The following CSGALNACT1 variants were observed in gnomAD, a reference collection of about 807,000 sequenced individuals.
CSGALNACT1 encodes beta4GalNAcT-1.
In CSGALNACT1, 52 loss-of-function variants were observed where a neutral mutation model predicts 51.0. The ratio of observed to expected loss-of-function variants is 1.02; its 90% CI spans 0.82 to 1.29. The LOEUF (loss-of-function observed/expected upper bound fraction) is 1.29, where lower values mean the gene tolerates loss of function less well. Ranked by LOEUF, CSGALNACT1 falls within the 50% of genes most tolerant of loss-of-function variation. The pLI, the probability that CSGALNACT1 is intolerant of heterozygous loss-of-function variation, is 0.00. For synonymous variants in CSGALNACT1, 341 were observed against 254.4 expected, an observed-to-expected ratio of 1.34 and a Z score of -3.24; for missense variants, 935 against 679.2, an observed-to-expected ratio of 1.38 and a Z score of -4.19.
chr8:19,415,222 A>G (rs2056637476), intron 8 of CSGALNACT1, among the ~76,000 whole-genome samples: 1 of 152,210 alleles, frequency 6.6e-6, no homozygotes, highest in South Asian at 2.1e-4. Context: ...CAAGTAATGA[A>G]AGCGTTTCAT....
chr8:19,405,901 C>A, exon 10 of CSGALNACT1: 5 of 1,614,160 alleles, frequency 3.1e-6, no homozygotes, highest in Non-Finnish European at 4.2e-6. Context: ...GGACTGCATG[C>A]ACATCTTGTA....
At chr8:19,728,586 C>T (rs540255035) in intron 1 of CSGALNACT1, among the ~76,000 whole-genome samples, 19 of 152,206 alleles carry the variant, frequency 1.2e-4, no homozygotes, top group East Asian at 7.7e-4. Context: ...TGAGTACACA[C>T]GCACACACAC....
At chr8:19,479,753 C>G (rs1377593382) in intron 4 of CSGALNACT1, among the ~76,000 whole-genome samples, 1 of 140,972 alleles carries the variant, frequency 7.1e-6, no homozygotes, top group Non-Finnish European at 1.5e-5. Context: ...AGCCGTATTT[C>G]TTGACTTAGA....
At chr8:19,566,745 G>A (rs947711888) in intron 3 of CSGALNACT1, among the ~76,000 whole-genome samples, 1 of 152,116 alleles carries the variant, frequency 6.6e-6, no homozygotes, top group Non-Finnish European at 1.5e-5. Flanking sequence ...GAAAATACAA[G>A]ATTAAAATTC....
At chr8:19,435,394 G>A (rs920073159) in intron 6 of CSGALNACT1, among the ~76,000 whole-genome samples, 1 of 151,828 alleles carries the variant, frequency 6.6e-6, no homozygotes, top group Admixed American at 6.6e-5. Context: ...CTGGGAGGCT[G>A]AGGCAGGAGA....
chr8:19,505,622 G>A lies in CSGALNACT1; in HGVS notation c.213C>T (p.Tyr71=), dbSNP rs762057370. 3.2e-5 allele frequency: 52 copies of A among 1,613,992 alleles called. No individual in the cohort carries two copies. Among genetic ancestry groups the A allele is most frequent in the Middle Eastern group, 3.3e-4 (2 of 6,084 alleles). ...CGATCTGCCGCTTCAGGCTGCTCAC[G>A]TAGTTGCGGTGCTGCTCCTCCCACT... is the stretch of plus-strand genomic sequence containing the variant. The change falls in exon 4 of 10, where the codon TAC becomes TAT. Residue 71 remains tyrosine, a synonymous_variant. Transcript: ENST00000454498.
At chr8:19,432,344 A>G (rs75353655) in intron 6 of CSGALNACT1, among the ~76,000 whole-genome samples, 2,252 of 152,296 alleles carry the variant, frequency 0.015, 52 homozygotes, top group African/African-American at 0.052. Context: ...GATCCATTGT[A>G]CTGGATGAGT....
chr8:19,546,192 C>T (rs1474368103), intron 3 of CSGALNACT1, among the ~76,000 whole-genome samples: 3 of 152,078 alleles, frequency 2.0e-5, no homozygotes, highest in Non-Finnish European at 4.4e-5. Flanking sequence ...ATGCTTTGCC[C>T]AATTTCCATA....
chr8:19,428,341 GA>G (rs1220130922), intron 6 of CSGALNACT1, among the ~76,000 whole-genome samples: 11 of 152,198 alleles, frequency 7.2e-5, no homozygotes, highest in African/African-American at 2.7e-4. Context: ...ATTCATGGCG[GA>G]AGGCAGAAGA....
At chr8:19,555,682 A>G (rs4601324) in intron 3 of CSGALNACT1, among the ~76,000 whole-genome samples, 24,112 of 152,184 alleles carry the variant, frequency 0.16, 2,026 homozygotes, top group African/African-American at 0.21. Flanking sequence ...TTCAGACTTC[A>G]CTTAGCATGT....
chr8:19,543,784 A>G (rs925052335), intron 3 of CSGALNACT1, among the ~76,000 whole-genome samples: 10 of 152,206 alleles, frequency 6.6e-5, no homozygotes, highest in African/African-American at 2.4e-4. Context: ...GCAATTAATA[A>G]TAACTGTAAG....
intron 4 of CSGALNACT1, among the ~76,000 whole-genome samples, chr8:19,492,586 C>T (rs897994764): frequency 1.3e-5 from 2 of 152,206 alleles, no homozygotes; most frequent in Non-Finnish European, 2.9e-5. Flanking sequence ...ATGTCCGATG[C>T]CCCAGTCTGA....
intron 3 of CSGALNACT1, among the ~76,000 whole-genome samples, chr8:19,571,342 A>G (rs912250002): frequency 6.6e-6 from 1 of 152,092 alleles, no homozygotes; most frequent in Non-Finnish European, 1.5e-5. Context: ...CTAAACACCT[A>G]TGATTCAGGG....
intron 1 of CSGALNACT1, among the ~76,000 whole-genome samples, chr8:19,666,887 G>GAGAGAGAGGA (rs2059295863): frequency 2.4e-5 from 3 of 125,010 alleles, no homozygotes; most frequent in African/African-American, 9.8e-5. Flanking sequence ...GAAAGAAAGA[G>GAGAGAGAGGA]AGAGAGGAAG....
intron 1 of CSGALNACT1, among the ~76,000 whole-genome samples, chr8:19,613,388 A>G (rs2154154181): frequency 6.6e-6 from 1 of 152,346 alleles, no homozygotes; most frequent in Middle Eastern, 3.4e-3. Flanking sequence ...TACCAAATTC[A>G]CTAGTAACCT....
At chr8:19,516,499 G>A (rs1350557687) in intron 3 of CSGALNACT1, among the ~76,000 whole-genome samples, 3 of 152,132 alleles carry the variant, frequency 2.0e-5, no homozygotes, top group African/African-American at 7.2e-5. Flanking sequence ...AACGTGGCAT[G>A]AATCACTGCT....
In CSGALNACT1 at chr8:19,505,764, C is replaced by G. The variant is rs749469876; in HGVS notation, c.71G>C (p.Cys24Ser). Residue 24 changes from cysteine to serine, a missense_variant, in exon 4 of 10, where the codon TGT (cysteine) becomes TCT (serine). Transcript: ENST00000454498. ...CAACATGTACAGGACAGAGATAGCA[C>G]AGCAGAGGAGCACCAGCAAAACCAC... 1.4e-5 allele frequency: 22 copies of G among 1,614,000 alleles called. No individual in the cohort carries two copies. Among genetic ancestry groups the G allele is most frequent in the Admixed American group, 5.0e-5 (3 of 60,010 alleles).
intron 1 of CSGALNACT1, among the ~76,000 whole-genome samples, chr8:19,645,044 A>C (rs1049718652): frequency 6.6e-6 from 1 of 152,222 alleles, no homozygotes; most frequent in Non-Finnish European, 1.5e-5. Flanking sequence ...TCTTTTAATC[A>C]TCAAAGTTCA....
chr8:19,486,975 G>C (rs146570038), intron 4 of CSGALNACT1, among the ~76,000 whole-genome samples: 18 of 152,262 alleles, frequency 1.2e-4, no homozygotes, highest in African/African-American at 4.1e-4. Context: ...ATGGATAGCA[G>C]GATTTACTAC....
Sources: allele counts gnomAD v4.1 joint callset (sites outside exome capture counted in the v4.1 genomes callset), GRCh38; gene constraint gnomAD v4.1.1; transcripts MANE v1.5; gene names NCBI Gene and HGNC (gene_info 2026-07-23, HGNC 2026-07-21).